Variants in OTUD7A observed in about 807,000 individuals in gnomAD.
The protein encoded by OTUD7A is OTU domain-containing protein 7A.
A neutral mutation model predicts 65.7 loss-of-function variants in OTUD7A; 12 were observed. That is an observed-to-expected ratio of 0.18 (90% CI 0.12 to 0.30). OTUD7A has a LOEUF of 0.30. Among genes scored for constraint, OTUD7A ranks in the 10% least tolerant of loss-of-function variants. The pLI, the probability that OTUD7A is intolerant of heterozygous loss-of-function variation, is 1.00. For synonymous variants in OTUD7A, 641 were observed against 586.3 expected (o/e 1.09, Z -1.35); for missense variants, 1,148 against 1,304.8 (o/e 0.88, Z 1.85).
intron 3 of OTUD7A, among the ~76,000 whole-genome samples, chr15:31,640,284 ACT>A (rs1891471231): frequency 6.6e-6 from 1 of 152,170 alleles, no homozygotes; most frequent in Non-Finnish European, 1.5e-5. Context: ...GGGATAAAAG[ACT>A]ACAAATAGGG....
At chr15:31,698,454 A>C (rs367822998) in intron 1 of OTUD7A, among the ~76,000 whole-genome samples, 3 of 151,970 alleles carry the variant, frequency 2.0e-5, no homozygotes, top group East Asian at 3.9e-4. Context: ...CCCCTGGCCC[A>C]CAACATCAGC....
intron 1 of OTUD7A, among the ~76,000 whole-genome samples, chr15:31,785,704 G>C (rs554876197): frequency 5.8e-4 from 89 of 152,286 alleles, no homozygotes; most frequent in South Asian, 3.5e-3. Context: ...ATGTGACTTG[G>C]GTCTGTTTGC....
At chr15:31,512,188 A>C (rs569204551) in intron 8 of OTUD7A, among the ~76,000 whole-genome samples, 2 of 151,472 alleles carry the variant, frequency 1.3e-5, no homozygotes, top group South Asian at 4.2e-4. Context: ...CAATCTGTGC[A>C]CAGTTTTCTG....
At chr15:31,869,394 T>C (rs1036916243) in intron 1 of OTUD7A, among the ~76,000 whole-genome samples, 24 of 152,210 alleles carry the variant, frequency 1.6e-4, no homozygotes, top group African/African-American at 5.3e-4. Context: ...CCTGCAGATT[T>C]TCCTGAAGCA....
intron 3 of OTUD7A, among the ~76,000 whole-genome samples, chr15:31,572,815 T>C (rs936867478): frequency 7.2e-5 from 11 of 151,726 alleles, no homozygotes; most frequent in Admixed American, 1.3e-4. Context: ...GTAAGAATGA[T>C]AAAAATGAAA....
chr15:31,604,438 CT>C (rs913112953), intron 3 of OTUD7A, among the ~76,000 whole-genome samples: 6 of 151,306 alleles, frequency 4.0e-5, no homozygotes, highest in Admixed American at 3.3e-4. Flanking sequence ...ACATCGGGGC[CT>C]GTTGAGGGGT....
At chr15:31,843,595 AGATGAGCCCTT>A (rs1473555315) in intron 1 of OTUD7A, among the ~76,000 whole-genome samples, 1 of 152,252 alleles carries the variant, frequency 6.6e-6, no homozygotes, top group Non-Finnish European at 1.5e-5. Flanking sequence ...ACAACATCAC[AGATGAGCCCTT>A]GCTTGGCAGA....
chr15:31,749,479 C>T (rs534378836), intron 1 of OTUD7A, among the ~76,000 whole-genome samples: 11 of 152,260 alleles, frequency 7.2e-5, no homozygotes, highest in South Asian at 2.1e-4. Context: ...AACCTACGCA[C>T]ATAGACACCA....
intron 3 of OTUD7A, among the ~76,000 whole-genome samples, chr15:31,572,527 C>T (rs1485301414): frequency 6.6e-6 from 1 of 152,162 alleles, no homozygotes; most frequent in Non-Finnish European, 1.5e-5. Context: ...ATGCCTTAAA[C>T]TCCTAAATCA....
intron 1 of OTUD7A, among the ~76,000 whole-genome samples, chr15:31,778,834 C>T (rs1180900920): frequency 6.6e-6 from 1 of 152,144 alleles, no homozygotes; most frequent in African/African-American, 2.4e-5. Context: ...CTCCCAGCCC[C>T]ATCATCAAGT....
intron 3 of OTUD7A, among the ~76,000 whole-genome samples, chr15:31,609,946 G>A (rs1253969708): frequency 6.6e-6 from 1 of 152,184 alleles, no homozygotes; most frequent in Admixed American, 6.5e-5. Flanking sequence ...CAGACTTGCT[G>A]GATGGCTAGA....
intron 5 of OTUD7A, among the ~76,000 whole-genome samples, chr15:31,532,192 A>G (rs1887646126): frequency 6.6e-6 from 1 of 152,246 alleles, no homozygotes. Flanking sequence ...AGATATGAAA[A>G]CTGAGATGAC....
At chr15:31,768,519 C>G (rs1018745764) in intron 1 of OTUD7A, among the ~76,000 whole-genome samples, 7 of 152,012 alleles carry the variant, frequency 4.6e-5, no homozygotes, top group Non-Finnish European at 8.8e-5. Flanking sequence ...ATTAGCTGGG[C>G]ATGGTGGCAC....
intron 1 of OTUD7A, chr15:31,787,589 A>G (rs977891995): frequency 6.6e-6 from 1 of 152,170 alleles, no homozygotes; most frequent in Non-Finnish European, 1.5e-5. Flanking sequence ...AACTTTCTCA[A>G]CATCAAAGTA....
intron 1 of OTUD7A, among the ~76,000 whole-genome samples, chr15:31,838,790 ACTC>A (rs978088414): frequency 5.3e-5 from 8 of 151,398 alleles, no homozygotes; most frequent in African/African-American, 1.9e-4. Flanking sequence ...CCTACTACTA[ACTC>A]ATTTTGAAGG....
chr15:31,711,326 G>C, intron 1 of OTUD7A, among the ~76,000 whole-genome samples: 1 of 152,094 alleles, frequency 6.6e-6, no homozygotes, highest in Non-Finnish European at 1.5e-5. Context: ...GGTGATCAAT[G>C]AATCTGTATT....
intron 1 of OTUD7A, among the ~76,000 whole-genome samples, chr15:31,744,933 TAAAAG>T (rs1430901779): frequency 1.3e-5 from 2 of 151,986 alleles, no homozygotes; most frequent in African/African-American, 4.8e-5. Flanking sequence ...AAAATGAAAT[TAAAAG>T]AAATCAATTT....
chr15:31,653,161 A>G (rs1891889207), intron 3 of OTUD7A, among the ~76,000 whole-genome samples: 1 of 151,864 alleles, frequency 6.6e-6, no homozygotes. Flanking sequence ...AGGCAGGAAA[A>G]TTGCTTGAAC....
At chr15:31,762,746 T>C (rs1193849660) in intron 1 of OTUD7A, among the ~76,000 whole-genome samples, 4 of 152,198 alleles carry the variant, frequency 2.6e-5, no homozygotes, top group Non-Finnish European at 5.9e-5. Context: ...GCTATGTAGA[T>C]TGCCTGATAA....
Sources: gnomAD v4.1 joint callset for allele counts (sites outside exome capture counted in the v4.1 genomes callset) on GRCh38, gnomAD v4.1.1 for gene constraint, MANE v1.5 for transcripts, NCBI Gene and HGNC (gene_info 2026-07-23, HGNC 2026-07-21) for gene names.